Variants in OARD1 observed in about 807,000 individuals in gnomAD.
OARD1 encodes the protein O-acyl-ADP-ribose deacylase 1.
In OARD1, 19 loss-of-function variants were observed where a neutral mutation model predicts 19.7. That is an observed-to-expected ratio of 0.96 (90% CI 0.67 to 1.41). The LOEUF is 1.41. Ranked by LOEUF, OARD1 falls within the 40% of genes most tolerant of loss-of-function variation. The pLI is 0.00. For synonymous variants in OARD1, 70 were observed against 61.8 expected (o/e 1.13, Z -0.62); for missense variants, 190 against 183.8 (o/e 1.03, Z -0.20).
chr6:41,078,447 C>T (rs995976564), intron 1 of OARD1, among the ~76,000 whole-genome samples: 2 of 151,814 alleles, frequency 1.3e-5, no homozygotes, highest in African/African-American at 4.9e-5. Flanking sequence ...TGTCCTCCCT[C>T]CCATATTTCC....
intron 1 of OARD1, among the ~76,000 whole-genome samples, chr6:41,095,763 T>C (rs1764336068): frequency 1.3e-5 from 2 of 152,240 alleles, no homozygotes; most frequent in African/African-American, 4.8e-5. Flanking sequence ...ATTTAAGTTG[T>C]TGAATTTTTC....
At chr6:41,070,166 AAAAG>A in intron 3 of OARD1, 32 bp from the exon 4 acceptor site, 1 of 1,168,948 alleles carries the variant, frequency 8.6e-7, no homozygotes, top group Non-Finnish European at 1.3e-6. Context: ...GTAGAAATGA[AAAAG>A]AAAACCAAAC....
intron 1 of OARD1, chr6:41,079,157 A>G (rs548689141): frequency 6.2e-7 from 1 of 1,614,200 alleles, no homozygotes; most frequent in East Asian, 2.2e-5. Flanking sequence ...GGACAGATTC[A>G]GCAGCAGGTA....
At position 41,065,013 on chromosome 6, in the gene OARD1, T is replaced by C. The variant is rs967596921; in HGVS notation, c.*2322A>G. ...ACTCTAACTAGGTTTCCAGGAATAA[T>C]GTGTTCACTCTGATTACCAGGGCAT... On this transcript the variant is annotated 3_prime_UTR_variant, in exon 6 of 6. Coordinates refer to ENST00000424266, the MANE Select transcript of OARD1 (RefSeq NM_001329686.2). The C allele has an allele frequency of 2.0e-5, 3 of 151,938 alleles. No homozygotes were observed. The highest frequency in any genetic ancestry group is 2.9e-5 in the Non-Finnish European group (2 of 68,006). 9.4% of individuals were successfully genotyped at this position (151,938 alleles called of 1,614,324 possible).
chr6:41,075,320 G>C (rs1393598210), upstream of OARD1: 10 of 152,334 alleles, frequency 6.6e-5, no homozygotes, highest in East Asian at 1.9e-3. Context: ...AAAACGTTGG[G>C]ATTACAGGCA....
At chr6:41,070,826 T>G (rs1582005065) in intron 3 of OARD1, 1 of 552,356 alleles carries the variant, frequency 1.8e-6, no homozygotes, top group Non-Finnish European at 3.2e-6. Context: ...AGCAGAATAT[T>G]GGTAAGTAAA....
chr6:41,072,011 A>G (rs1007992920), intron 1 of OARD1, among the ~76,000 whole-genome samples: 1 of 152,236 alleles, frequency 6.6e-6, no homozygotes, highest in Non-Finnish European at 1.5e-5. Context: ...TCTCTGCACG[A>G]CGCAAAAGTA....
chr6:41,068,828 T>C lies in OARD1; in HGVS notation c.356+13A>G. 1 of 1,385,354 alleles carries C rather than the reference T, an allele frequency of 7.2e-7. No homozygotes were observed. The highest frequency in any genetic ancestry group is 1.0e-6 in the Non-Finnish European group (1 of 985,688). 85.8% of individuals were successfully genotyped at this position (1,385,354 alleles called of 1,614,324 possible). ...TCAATTAAATCTCCATTTAGGACCA[T>C]GGATTTCCTTGCCTGGGCATGGAGA... On this transcript the variant is annotated intron_variant, in intron 5 of 5. Transcript: ENST00000424266.
intron 1 of OARD1, chr6:41,097,692 A>G: frequency 2.9e-6 from 1 of 345,504 alleles, no homozygotes; most frequent in Non-Finnish European, 5.4e-6. Flanking sequence ...ATGCCACCCC[A>G]GCAGTACACA....
chr6:41,069,062 A>T, intron 4 of OARD1, 109 bp from the exon 5 acceptor site: 2 of 603,018 alleles, frequency 3.3e-6, no homozygotes, highest in South Asian at 4.6e-5. Context: ...ATTTTTATAG[A>T]ATTAGTCTAG....
intron 3 of OARD1, chr6:41,070,703 C>G: frequency 3.5e-6 from 1 of 283,120 alleles, no homozygotes; most frequent in East Asian, 8.2e-5. Context: ...GAAACTGTTG[C>G]AGAAGCTTTA....
chr6:41,067,078 C>G lies in OARD1; in HGVS notation c.*257G>C. Reference sequence around the variant, plus strand: ...CTGGAGAAAAAGGTCATAGTCCCGACAATCTGGTTTCCCTGCCTATTATCA... The same window carrying G: ...CTGGAGAAAAAGGTCATAGTCCCGAGAATCTGGTTTCCCTGCCTATTATCA... On this transcript the variant is annotated 3_prime_UTR_variant, in exon 6 of 6. Coordinates refer to ENST00000424266, the MANE Select transcript of OARD1 (RefSeq NM_001329686.2). 2 of 246,658 alleles carry G rather than the reference C, an allele frequency of 8.1e-6. No individual in the cohort carries two copies. The highest frequency in any genetic ancestry group is 1.6e-5 in the Non-Finnish European group (2 of 127,356). 15.3% of individuals were successfully genotyped at this position (246,658 alleles called of 1,614,324 possible). A position where few individuals can be genotyped will look rare whatever the true frequency, so the allele number is the denominator to read the frequency against.
At chr6:41,092,572 GTCTA>G (rs753222066) in intron 1 of OARD1, among the ~76,000 whole-genome samples, 14 of 151,968 alleles carry the variant, frequency 9.2e-5, no homozygotes, top group African/African-American at 1.5e-4. Context: ...GTAGCACTTG[GTCTA>G]TCTATTTTTG....
intron 1 of OARD1, chr6:41,094,501 G>A: frequency 6.2e-7 from 1 of 1,607,388 alleles, no homozygotes; most frequent in Non-Finnish European, 8.5e-7. Flanking sequence ...TATGCAGGTA[G>A]GAAGACATAT....
At chr6:41,076,403 G>C (rs1487866995), upstream of OARD1, among the ~76,000 whole-genome samples, 21 of 152,208 alleles carry the variant, frequency 1.4e-4, no homozygotes, top group Admixed American at 1.0e-3. Flanking sequence ...GGTCAAAAAA[G>C]TTAAAAAGCT....
At chr6:41,078,250 A>G (rs1337595112) in intron 1 of OARD1, among the ~76,000 whole-genome samples, 1 of 152,200 alleles carries the variant, frequency 6.6e-6, no homozygotes, top group Non-Finnish European at 1.5e-5. Flanking sequence ...TTCACACTGT[A>G]TTGAGACACC....
At chr6:41,089,860 C>A in intron 1 of OARD1, 1 of 1,096,248 alleles carries the variant, frequency 9.1e-7, no homozygotes, top group Non-Finnish European at 1.3e-6. Flanking sequence ...TGGCTCATGC[C>A]TGTAATCCCA....
In OARD1 at chr6:41,088,269, A is replaced by T. The variant is rs1210904641; in HGVS notation, c.-42+9444T>A. ...CCGTCTCTACTAAAAAGACAAAAAA[A>T]AAATTAAGCCAGGCGTGATGGCGGA... On this transcript the variant is annotated intron_variant, in intron 1 of 4. Transcript: ENST00000480585. Among the ~76,000 whole-genome samples, 9 of 151,764 alleles carry T rather than the reference A, an allele frequency of 5.9e-5. No homozygotes were observed. In the South Asian group the frequency reaches 1.9e-3, roughly 32 times the overall value.
At chr6:41,093,702 C>G (rs764372774) in intron 1 of OARD1, among the ~76,000 whole-genome samples, 11 of 152,198 alleles carry the variant, frequency 7.2e-5, no homozygotes, top group Non-Finnish European at 1.2e-4. Flanking sequence ...AACTCCTGAC[C>G]TCAGGTGATC....
Sources: allele counts gnomAD v4.1 joint callset (sites outside exome capture counted in the v4.1 genomes callset), GRCh38; gene constraint gnomAD v4.1.1; transcripts MANE v1.5; gene names NCBI Gene and HGNC (gene_info 2026-07-23, HGNC 2026-07-21).